The following OTUD7B variants were observed in gnomAD, a reference collection of about 807,000 sequenced individuals.
OTUD7B encodes the protein OTU deubiquitinase 7B.
In OTUD7B, 34 loss-of-function variants were observed where a neutral mutation model predicts 82.2. That is an observed-to-expected ratio of 0.41 (90% CI 0.31 to 0.55). The LOEUF (loss-of-function observed/expected upper bound fraction) is 0.55, where lower values mean the gene tolerates loss of function less well. Among genes scored for constraint, OTUD7B ranks in the 20% least tolerant of loss-of-function variants. The pLI, the probability that OTUD7B is intolerant of heterozygous loss-of-function variation, is 0.20. For missense variants in OTUD7B, 944 were observed against 1,062.1 expected (o/e 0.89, Z 1.55); for synonymous variants, 398 against 402.7 (o/e 0.99, Z 0.14).
At chr1:149,999,100 C>A (rs1652105940) in intron 1 of OTUD7B, among the ~76,000 whole-genome samples, 1 of 152,064 alleles carries the variant, frequency 6.6e-6, no homozygotes, top group Non-Finnish European at 1.5e-5. Flanking sequence ...CAGTGCACAG[C>A]CAAGTGTTCG....
At chr1:150,022,338 T>G in the OTUD7B span, among the ~76,000 whole-genome samples, 1 of 138,502 alleles carries the variant, frequency 7.2e-6, no homozygotes, top group African/African-American at 2.7e-5. Flanking sequence ...GCAGAGGTTG[T>G]GGTGAGCCAA....
At chr1:150,034,009 C>T in the OTUD7B span, among the ~76,000 whole-genome samples, 3 of 152,064 alleles carry the variant, frequency 2.0e-5, no homozygotes, top group East Asian at 1.9e-4. Context: ...CGTGAGCCAC[C>T]GCACCCAGCC....
Position 149,950,236 on chromosome 1 carries a change from A to G in OTUD7B, c.846-15T>C, listed in dbSNP as rs73008171. The G allele has an allele frequency of 3.7e-3, 5,918 of 1,613,622 alleles. 133 individuals are homozygous for G. In the African/African-American group the frequency reaches 0.059, roughly 16 times the overall value. On this transcript the variant is annotated splice_polypyrimidine_tract_variant and intron_variant, in intron 7 of 11. Coordinates refer to ENST00000581312, the MANE Select transcript of OTUD7B (RefSeq NM_020205.4). ...AACTCTCCACCCTGGAACGACGGGA[A>G]GGGAGAGAGTGAAAAGGGTGCAGTA...
At position 149,973,944 on chromosome 1, in the gene OTUD7B, A is replaced by G. The variant is rs1571663913; in HGVS notation, c.86-2693T>C. On this transcript the variant is annotated intron_variant, in intron 2 of 11. Coordinates refer to ENST00000581312, the MANE Select transcript of OTUD7B (RefSeq NM_020205.4). ...ATGATCTCAGCTCACTGCAATCTCC[A>G]CCTCCTGGGTTCAAGCAATTCTCTG... is the stretch of plus-strand genomic sequence containing the variant. 3.6e-5 allele frequency among the ~76,000 whole-genome samples: 5 copies of G among 138,034 alleles called. No individual in the cohort carries two copies. The Admixed American group carries it at 3.8e-4, about 11-fold the overall frequency. 90.6% of individuals were successfully genotyped at this position (138,034 alleles called of 152,430 possible). A position where few individuals can be genotyped will look rare whatever the true frequency, so the allele number is the denominator to read the frequency against.
At chr1:149,981,589 G>T (rs1342200215) in intron 1 of OTUD7B, among the ~76,000 whole-genome samples, 2 of 151,268 alleles carry the variant, frequency 1.3e-5, no homozygotes, top group African/African-American at 2.5e-5. Flanking sequence ...TTGTAGATCA[G>T]CATCATGATG....
intron 7 of OTUD7B, among the ~76,000 whole-genome samples, chr1:149,956,475 CTTCAT>C (rs1648682770): frequency 2.0e-5 from 3 of 152,110 alleles, no homozygotes; most frequent in Admixed American, 2.0e-4. Context: ...GCATTTTTTC[CTTCAT>C]TTCAACTTTG....
intron 1 of OTUD7B, among the ~76,000 whole-genome samples, chr1:149,981,686 T>C (rs1028838987): frequency 3.3e-5 from 5 of 152,248 alleles, no homozygotes; most frequent in Non-Finnish European, 5.9e-5. Context: ...CATAAATATT[T>C]GTGCTGACCT....
chr1:149,949,187 C>A, intron 9 of OTUD7B, 104 bp from the exon 10 acceptor site: 1 of 704,612 alleles, frequency 1.4e-6, no homozygotes, highest in South Asian at 1.8e-5. Context: ...TAATTGTAGT[C>A]ACTTCTCAAT....
the OTUD7B span, among the ~76,000 whole-genome samples, chr1:150,019,249 T>C: frequency 1.3e-5 from 2 of 152,240 alleles, no homozygotes; most frequent in Non-Finnish European, 2.9e-5. Flanking sequence ...ACTCCACAAC[T>C]GTCTCTTGCC....
At chr1:149,961,421 A>G (rs1553775618) in intron 6 of OTUD7B, 1 of 152,244 alleles carries the variant, frequency 6.6e-6, no homozygotes, top group Non-Finnish European at 1.5e-5. Context: ...TGGTGGCATG[A>G]TCTTGGCTCA....
At chr1:150,064,487 C>T in the OTUD7B span, among the ~76,000 whole-genome samples, 19 of 151,912 alleles carry the variant, frequency 1.3e-4, no homozygotes, top group Admixed American at 2.6e-4. Flanking sequence ...TCCTACCGCA[C>T]GCTTCTCAAG....
chr1:149,979,131 C>T (rs1650534833), intron 1 of OTUD7B, among the ~76,000 whole-genome samples: 1 of 151,742 alleles, frequency 6.6e-6, no homozygotes, highest in Admixed American at 6.6e-5. Context: ...TTTTGTAACT[C>T]CAACATCTAG....
intron 6 of OTUD7B, chr1:149,963,695 C>T (rs781795643): frequency 6.5e-6 from 1 of 153,124 alleles, no homozygotes; most frequent in Non-Finnish European, 1.5e-5. Flanking sequence ...ACTGTTCAGA[C>T]TCAATTAAAT....
At chr1:150,009,120 C>T (rs908108791) in intron 1 of OTUD7B, among the ~76,000 whole-genome samples, 2 of 152,102 alleles carry the variant, frequency 1.3e-5, no homozygotes, top group Non-Finnish European at 2.9e-5. Flanking sequence ...TCATTGTTTG[C>T]GCATAATGTA....
At chr1:150,023,400 A>G in the OTUD7B span, among the ~76,000 whole-genome samples, 1 of 152,216 alleles carries the variant, frequency 6.6e-6, no homozygotes, top group Non-Finnish European at 1.5e-5. Flanking sequence ...AATGTCCATC[A>G]GCATATAAAC....
intron 10 of OTUD7B, among the ~76,000 whole-genome samples, chr1:149,947,718 C>G (rs1432889469): frequency 6.6e-6 from 1 of 151,944 alleles, no homozygotes; most frequent in African/African-American, 2.4e-5. Flanking sequence ...TTTTAAAAAG[C>G]CATAAACTCT....
the OTUD7B span, among the ~76,000 whole-genome samples, chr1:150,038,927 C>T: frequency 1.3e-5 from 2 of 152,006 alleles, no homozygotes; most frequent in Non-Finnish European, 2.9e-5. Flanking sequence ...TATTTAGTGT[C>T]CAAATAAATA....
rs587761144 is a variant in OTUD7B at position 149,967,719 on chromosome 1, C to A, written c.275-198G>T. Among the ~76,000 whole-genome samples, 14 of 152,294 alleles carry A rather than the reference C, an allele frequency of 9.2e-5. No homozygotes were observed. The East Asian group carries it at 2.7e-3, about 29-fold the overall frequency. ...GAGACAGTATTTTTGTAGGCACTCACATTAGCACCAAATTATTCATTCCTC... is the reference window on the plus strand; with the variant it reads ...GAGACAGTATTTTTGTAGGCACTCAAATTAGCACCAAATTATTCATTCCTC... On this transcript the variant is annotated intron_variant, in intron 3 of 11. Coordinates refer to ENST00000581312, the MANE Select transcript of OTUD7B (RefSeq NM_020205.4).
At chr1:149,982,461 C>CTTTA (rs1313708528) in intron 1 of OTUD7B, among the ~76,000 whole-genome samples, 1 of 152,084 alleles carries the variant, frequency 6.6e-6, no homozygotes, top group African/African-American at 2.4e-5. Flanking sequence ...CCTTATATAA[C>CTTTA]TTTATTTATT....
Sources: allele counts gnomAD v4.1 joint callset (sites outside exome capture counted in the v4.1 genomes callset), GRCh38; gene constraint gnomAD v4.1.1; transcripts MANE v1.5; gene names NCBI Gene and HGNC (gene_info 2026-07-23, HGNC 2026-07-21).